The following PIKFYVE variants were observed in gnomAD, a reference collection of about 807,000 sequenced individuals.
The protein encoded by PIKFYVE is phosphoinositide kinase, FYVE-type zinc finger containing, also known as 1-phosphatidylinositol 3-phosphate 5-kinase.
A neutral mutation model predicts 257.9 loss-of-function variants in PIKFYVE; 122 were observed. The ratio of observed to expected loss-of-function variants is 0.47; its 90% CI spans 0.41 to 0.55. The LOEUF is 0.55. Ranked by LOEUF, PIKFYVE falls within the 20% of genes least tolerant of loss-of-function variation. The probability of loss-of-function intolerance (pLI) is 0.00; values close to 1 mark genes in which losing one functional copy is unlikely to be tolerated. For synonymous variants in PIKFYVE, 892 were observed against 868.9 expected, an observed-to-expected ratio of 1.03 and a Z score of -0.47; for missense variants, 2,160 against 2,536.6, an observed-to-expected ratio of 0.85 and a Z score of 3.19.
intron 7 of PIKFYVE, among the ~76,000 whole-genome samples, chr2:208,289,973 A>G (rs1692087479): frequency 6.6e-6 from 1 of 152,118 alleles, no homozygotes; most frequent in Non-Finnish European, 1.5e-5. Context: ...TTTATTTTTT[A>G]TAGCAGTTTT....
At chr2:208,269,529 A>G in intron 1 of PIKFYVE, 1 of 281,182 alleles carries the variant, frequency 3.6e-6, no homozygotes, top group South Asian at 4.1e-5. Context: ...GGTAGTCCTC[A>G]TATGTGCCTT....
chr2:208,289,504 A>T (rs1692015296), intron 7 of PIKFYVE, among the ~76,000 whole-genome samples: 1 of 152,008 alleles, frequency 6.6e-6, no homozygotes. Flanking sequence ...ATCTCAGCTC[A>T]CTGCAAGCTC....
At chr2:208,293,664 C>T (rs936527507) in intron 7 of PIKFYVE, among the ~76,000 whole-genome samples, 5 of 137,444 alleles carry the variant, frequency 3.6e-5, no homozygotes, top group Non-Finnish European at 7.7e-5. Flanking sequence ...CTTTGATACT[C>T]TACAGGTAAG....
At chr2:208,271,379 T>C in intron 1 of PIKFYVE, 132 bp from the exon 2 acceptor site, 1 of 856,250 alleles carries the variant, frequency 1.2e-6, no homozygotes, top group Non-Finnish European at 1.9e-6. Context: ...TGAAGCTAGA[T>C]TTATTTACTG....
At chr2:208,306,361 T>C (rs1694313724) in intron 12 of PIKFYVE, among the ~76,000 whole-genome samples, 1 of 152,152 alleles carries the variant, frequency 6.6e-6, no homozygotes, top group South Asian at 2.1e-4. Flanking sequence ...TTGGAGGATA[T>C]TATGAAGGTT....
chr2:208,290,944 C>T (rs2164724), intron 7 of PIKFYVE, among the ~76,000 whole-genome samples: 5,716 of 152,208 alleles, frequency 0.038, 333 homozygotes, highest in African/African-American at 0.13. Context: ...GTCTTGTCAT[C>T]GAACAAAGTT....
intron 22 of PIKFYVE, 121 bp from the exon 23 acceptor site, chr2:208,330,402 T>C (rs1299041574): frequency 2.8e-5 from 32 of 1,148,280 alleles, no homozygotes; most frequent in Non-Finnish European, 4.0e-5. Context: ...GATGTTCAGC[T>C]GCAGGCTCAG....
intron 13 of PIKFYVE, 141 bp downstream of exon 13, chr2:208,312,436 A>G (rs1257239755): frequency 1.5e-6 from 1 of 688,026 alleles, no homozygotes; most frequent in Non-Finnish European, 2.5e-6. Flanking sequence ...ACAGTTTTTA[A>G]TATATATAAT....
At chr2:208,341,870 CACTT>C (rs1698738693) in intron 31 of PIKFYVE, among the ~76,000 whole-genome samples, 1 of 152,060 alleles carries the variant, frequency 6.6e-6, no homozygotes, top group South Asian at 2.1e-4. Context: ...TCCCTCATAG[CACTT>C]ACCACAGAGA....
intron 9 of PIKFYVE, 115 bp downstream of exon 9, chr2:208,301,209 T>C: frequency 7.6e-7 from 1 of 1,312,644 alleles, no homozygotes; most frequent in Admixed American, 2.0e-5. Context: ...CTTTGTTTTA[T>C]GTAATTGATG....
At chr2:208,288,849 CTGA>C (rs1420638188) in intron 7 of PIKFYVE, 31 bp downstream of exon 7, 2 of 1,610,416 alleles carry the variant, frequency 1.2e-6, no homozygotes, top group Admixed American at 1.7e-5. Flanking sequence ...ACTGTGCTCT[CTGA>C]TGTTTATTTC....
intron 7 of PIKFYVE, among the ~76,000 whole-genome samples, chr2:208,295,244 C>A (rs747287897): frequency 1.3e-5 from 2 of 152,198 alleles, no homozygotes; most frequent in Non-Finnish European, 2.9e-5. Flanking sequence ...TGAAGATGCT[C>A]ACGTGCTAGA....
chr2:208,272,466 A>C (rs1314175105), intron 2 of PIKFYVE, among the ~76,000 whole-genome samples: 1 of 152,192 alleles, frequency 6.6e-6, no homozygotes, highest in Non-Finnish European at 1.5e-5. Context: ...AGCTGTCAGT[A>C]GGCTTCTTGT....
At chr2:208,309,279 TAAC>T (rs973815843) in intron 12 of PIKFYVE, among the ~76,000 whole-genome samples, 79 of 152,304 alleles carry the variant, frequency 5.2e-4, no homozygotes, top group Middle Eastern at 3.4e-3. Flanking sequence ...AGATTGAGAC[TAAC>T]AAGATGAAAG....
chr2:208,355,127 G>T, intron 41 of PIKFYVE, 63 bp from the exon 42 acceptor site: 2 of 1,252,742 alleles, frequency 1.6e-6, no homozygotes, highest in South Asian at 1.2e-5. Context: ...ATGGTCAGTT[G>T]ACTTCAGTTG....
Position 208,335,565 on chromosome 2 carries a change from G to A in PIKFYVE, c.4256+146G>A, listed in dbSNP as rs985851578. On this transcript the variant is annotated intron_variant, in intron 25 of 41. Coordinates refer to ENST00000264380, the MANE Select transcript of PIKFYVE (RefSeq NM_015040.4). ...GGTGTACAAAAAGAAAATTGTAGAC[G>A]CTATGGAAAGATAATAAAAAAGAAG... The A allele has an allele frequency of 2.1e-5, 17 of 808,632 alleles. No individual in the cohort carries two copies. The Admixed American group carries it at 3.0e-4, about 14-fold the overall frequency. 50.1% of individuals were successfully genotyped at this position (808,632 alleles called of 1,614,324 possible). A position where few individuals can be genotyped will look rare whatever the true frequency, so the allele number is the denominator to read the frequency against.
chr2:208,354,471 T>G lies in PIKFYVE; in HGVS notation c.6107-100T>G, dbSNP rs576700809. The stretch of plus-strand genomic sequence containing the variant: ...GCACATTGTTAGCACTCAATAAAAG[T>G]TAACTGTCATAGAAGTAGTAGTAAT... On this transcript the variant is annotated intron_variant, in intron 40 of 41. Transcript: ENST00000264380. 168 of 1,137,440 alleles carry G rather than the reference T, an allele frequency of 1.5e-4. No individual in the cohort carries two copies. The African/African-American group carries it at 2.3e-3, about 16-fold the overall frequency. The allele number at this position is 1,137,440 out of a possible 1,614,324, so 70.5% of individuals were successfully genotyped here.
At chr2:208,331,058 C>T (rs545438810) in intron 23 of PIKFYVE, among the ~76,000 whole-genome samples, 131 of 152,230 alleles carry the variant, frequency 8.6e-4, no homozygotes, top group African/African-American at 3.1e-3. Context: ...GGAATGACTT[C>T]TGTTCTCTAG....
At position 208,357,638 on chromosome 2, in the gene PIKFYVE, T is replaced by C. The variant is rs138550916; in HGVS notation, c.*2333T>C. ...GGACAGTATTAATGAAGGGGAAATA[T>C]ACAATTTATTTCTATTGAGTGGTAG... On this transcript the variant is annotated 3_prime_UTR_variant, in exon 42 of 42. Coordinates refer to ENST00000264380, the MANE Select transcript of PIKFYVE (RefSeq NM_015040.4). The C allele has an allele frequency of 1.3e-5, 2 of 152,346 alleles. No individual in the cohort carries two copies. The highest frequency in any genetic ancestry group is 2.1e-4 in the South Asian group (1 of 4,832). 9.4% of individuals were successfully genotyped at this position (152,346 alleles called of 1,614,324 possible).
Sources: gnomAD v4.1 joint callset for allele counts (sites outside exome capture counted in the v4.1 genomes callset) on GRCh38, gnomAD v4.1.1 for gene constraint, MANE v1.5 for transcripts, NCBI Gene and HGNC (gene_info 2026-07-23, HGNC 2026-07-21) for gene names.